TOMM20L: variants seen among roughly 807,000 people sequenced by gnomAD.
TOMM20L encodes TOMM20-like protein 1.
Under a neutral mutation model 20.4 loss-of-function variants are expected in TOMM20L, and 19 were observed. The observed-to-expected ratio is 0.93, with a 90% CI of 0.65 to 1.36. The LOEUF (loss-of-function observed/expected upper bound fraction) is 1.36. Ranked by LOEUF, TOMM20L falls within the 40% of genes most tolerant of loss-of-function variation. TOMM20L has a pLI of 0.00. For missense variants in TOMM20L, 218 were observed against 203.7 expected (o/e 1.07, Z -0.43); for synonymous variants, 75 against 79.6 (o/e 0.94, Z 0.30).
the TOMM20L span, among the ~76,000 whole-genome samples, chr14:58,414,745 A>AAG: frequency 4.6e-5 from 7 of 151,034 alleles, no homozygotes; most frequent in African/African-American, 1.7e-4. Flanking sequence ...TCAAAAAAAA[A>AAG]AAAAAAGAAA....
At chr14:58,403,872 TCCTA>T (rs2036020744) in intron 3 of TOMM20L, among the ~76,000 whole-genome samples, 1 of 150,614 alleles carries the variant, frequency 6.6e-6, no homozygotes, top group African/African-American at 2.4e-5. Context: ...AATAATTTAT[TCCTA>T]CCTAATTCCA....
chr14:58,407,590 C>T, intron 4 of TOMM20L, 122 bp downstream of exon 4: 1 of 1,168,096 alleles, frequency 8.6e-7, no homozygotes, highest in Non-Finnish European at 1.2e-6. Flanking sequence ...AGTGAAATCT[C>T]TGAATTTTTG....
At chr14:58,396,547 T>G (rs992481261) in intron 2 of TOMM20L, among the ~76,000 whole-genome samples, 38 of 152,278 alleles carry the variant, frequency 2.5e-4, no homozygotes, top group African/African-American at 8.9e-4. Context: ...GAGGAAGAAG[T>G]TGGAGTTATA....
chr14:58,406,155 A>G (rs886254159), intron 3 of TOMM20L, among the ~76,000 whole-genome samples: 1 of 152,124 alleles, frequency 6.6e-6, no homozygotes, highest in Non-Finnish European at 1.5e-5. Context: ...TCTATATGAG[A>G]CCATAGGGCC....
chr14:58,416,923 T>G, the TOMM20L span, among the ~76,000 whole-genome samples: 2 of 152,144 alleles, frequency 1.3e-5, no homozygotes, highest in Non-Finnish European at 2.9e-5. Flanking sequence ...GCCTGGGTGA[T>G]ATGGTTTGGC....
chr14:58,396,174 G>A, intron 1 of TOMM20L, 81 bp downstream of exon 1: 1 of 1,379,124 alleles, frequency 7.3e-7, no homozygotes, highest in Non-Finnish European at 9.5e-7. Context: ...CCACTGAGAG[G>A]CCGGGCCGTG....
At position 58,396,012 on chromosome 14, in the gene TOMM20L, G is replaced by C; in HGVS notation, c.55G>C (p.Ala19Pro). 6.9e-7 allele frequency: 1 copy of C among 1,452,532 alleles called. No individual in the cohort carries two copies. Among genetic ancestry groups the C allele is most frequent in the Non-Finnish European group, 9.1e-7 (1 of 1,096,972 alleles). The allele number at this position is 1,452,532 out of a possible 1,614,324, so 90.0% of individuals were successfully genotyped here. A position where few individuals can be genotyped will look rare whatever the true frequency, so the allele number is the denominator to read the frequency against. Residue 19 changes from alanine (A) to proline (P), a missense_variant, in exon 1 of 5, where the codon GCC (alanine) becomes CCC (proline). By Grantham distance (27) the Ala-to-Pro change is conservative. Coordinates refer to ENST00000360945, the MANE Select transcript of TOMM20L (RefSeq NM_207377.3). ...CTTGGCCGCCGCGGCGGCCTGTGGC[G>C]CCTTCGCCTTCCTGGGCTATTGTAT... ...RLLAAAAACGAFAFLGYCIYL... is the reference protein window; with the variant it reads ...RLLAAAAACGPFAFLGYCIYL...
rs751582992 is a variant in TOMM20L, at chr14:58,396,067, C to G, written c.110C>G (p.Pro37Arg). 2.1e-6 allele frequency: 3 copies of G among 1,408,530 alleles called. No homozygotes were observed. The highest frequency in any genetic ancestry group is 1.8e-5 in the South Asian group (1 of 55,470). 87.3% of individuals were successfully genotyped at this position (1,408,530 alleles called of 1,614,324 possible). A position where few individuals can be genotyped will look rare whatever the true frequency, so the allele number is the denominator to read the frequency against. ...IYLNRKRRGD[P>R]AFKRRLRDKR... ...CTCAACCGGAAGCGGCGCGGGGACC[C>G]CGCGTTCAAGCGCCGCCTGCGGGAC... Residue 37 changes from proline (P) to arginine (R), a missense_variant, in exon 1 of 5, where the codon CCC (proline) becomes CGC (arginine). Transcript: ENST00000360945.
downstream of TOMM20L, among the ~76,000 whole-genome samples, chr14:58,410,274 C>G (rs2036172300): frequency 6.6e-6 from 1 of 151,888 alleles, no homozygotes; most frequent in Admixed American, 6.6e-5. Flanking sequence ...AGGGTTTCAC[C>G]ATGTTGCCGA....
At chr14:58,408,460 C>CACAAGGGAG in intron 4 of TOMM20L, 69 bp from the exon 5 acceptor site, 1 of 1,397,508 alleles carries the variant, frequency 7.2e-7, no homozygotes, top group Non-Finnish European at 1.0e-6. Flanking sequence ...CCCACCCTGA[C>CACAAGGGAG]ACAAGGGAGG....
At chr14:58,407,532 A>G in intron 4 of TOMM20L, 64 bp downstream of exon 4, 1 of 1,490,230 alleles carries the variant, frequency 6.7e-7, no homozygotes, top group South Asian at 1.4e-5. Flanking sequence ...ATGCTTGACT[A>G]CACAGAAATA....
rs2036006561 is a variant in TOMM20L at position 58,402,692 on chromosome 14, A to G, written c.193A>G (p.Thr65Ala). 1 of 1,613,274 alleles carries G rather than the reference A, an allele frequency of 6.2e-7. No homozygotes were observed. The highest frequency in any genetic ancestry group is 8.5e-7 in the Non-Finnish European group (1 of 1,179,342). The change falls in exon 3 of 5, where the codon ACG (threonine) becomes GCG (alanine). Residue 65 changes from threonine to alanine, a missense_variant. By Grantham distance (58) the Thr-to-Ala change is moderately conservative. Coordinates refer to ENST00000360945, the MANE Select transcript of TOMM20L (RefSeq NM_207377.3). ...ATGAATATTTTAGTTGTGGGATCCA[A>G]CGAAGAATAAAAAGTTGCAAGAACT... ...EEQGTQLWDP[T>A]KNKKLQELFL...
chr14:58,405,363 GA>G (rs1566743375), intron 3 of TOMM20L, among the ~76,000 whole-genome samples: 1 of 152,090 alleles, frequency 6.6e-6, no homozygotes, highest in Non-Finnish European at 1.5e-5. Context: ...TAAGTCAGAA[GA>G]AAAAAGATGA....
At chr14:58,407,281 T>G (rs2036074207) in intron 3 of TOMM20L, 45 bp from the exon 4 acceptor site, 3 of 1,554,354 alleles carry the variant, frequency 1.9e-6, no homozygotes, top group African/African-American at 2.8e-5. Context: ...ATGTCTGTTT[T>G]AAAGAACTTC....
downstream of TOMM20L, chr14:58,408,716 A>C (rs1595003765): frequency 3.5e-6 from 3 of 848,504 alleles, no homozygotes; most frequent in East Asian, 8.6e-5. Flanking sequence ...GATCGAACAC[A>C]TAAGTTGCTT....
At chr14:58,403,912 A>G (rs1437983662) in intron 3 of TOMM20L, among the ~76,000 whole-genome samples, 1 of 149,874 alleles carries the variant, frequency 6.7e-6, no homozygotes, top group Non-Finnish European at 1.5e-5. Flanking sequence ...ACTTCATAAT[A>G]TTGTCAGGCA....
intron 3 of TOMM20L, 59 bp downstream of exon 3, chr14:58,402,820 T>C (rs2036008606): frequency 4.6e-6 from 6 of 1,294,978 alleles, no homozygotes; most frequent in South Asian, 1.2e-5. Context: ...AAATATTTAT[T>C]GATTAGTATT....
downstream of TOMM20L, chr14:58,411,911 T>C (rs2036233089): frequency 6.2e-7 from 1 of 1,613,758 alleles, no homozygotes; most frequent in Non-Finnish European, 8.5e-7. Flanking sequence ...CCTTACCTGT[T>C]TTATCTGATC....
chr14:58,409,064 G>A, downstream of TOMM20L: 1 of 1,613,720 alleles, frequency 6.2e-7, no homozygotes, highest in Non-Finnish European at 8.5e-7. Flanking sequence ...GTCCTGCTTT[G>A]GCTGCCAGGG....
Sources: gnomAD v4.1 joint callset for allele counts (sites outside exome capture counted in the v4.1 genomes callset) on GRCh38, gnomAD v4.1.1 for gene constraint, MANE v1.5 for transcripts, NCBI Gene and HGNC (gene_info 2026-07-23, HGNC 2026-07-21) for gene names.